The following GABRB1 variants were observed in gnomAD, a reference collection of about 807,000 sequenced individuals.
The protein encoded by GABRB1 is gamma-aminobutyric acid type A receptor subunit beta1, also known as gamma-aminobutyric acid receptor subunit beta-1.
GABRB1 carries 17 observed loss-of-function variants against 51.6 expected under a neutral mutation model. The observed-to-expected ratio is 0.33, with a 90% CI of 0.23 to 0.49. The LOEUF (loss-of-function observed/expected upper bound fraction) is 0.49. Among genes scored for constraint, GABRB1 ranks in the 20% least tolerant of loss-of-function variants. GABRB1 has a pLI of 0.99. For synonymous variants in GABRB1, 247 were observed against 218.9 expected (o/e 1.13, Z -1.14); for missense variants, 410 against 600.6 (o/e 0.68, Z 3.32).
intron 5 of GABRB1, among the ~76,000 whole-genome samples, chr4:47,374,128 T>G (rs1317892555): frequency 6.6e-6 from 1 of 152,222 alleles, no homozygotes; most frequent in Non-Finnish European, 1.5e-5. Context: ...ATCAAGAGGA[T>G]GTAAGACTCT....
At chr4:47,363,462 C>T (rs1053689942) in intron 5 of GABRB1, among the ~76,000 whole-genome samples, 1 of 151,998 alleles carries the variant, frequency 6.6e-6, no homozygotes, top group East Asian at 1.9e-4. Flanking sequence ...GTTTTCTCAT[C>T]CCACTCTGAT....
intron 3 of GABRB1, among the ~76,000 whole-genome samples, chr4:47,037,123 TGGCAATGAAA>T (rs1725611863): frequency 1.3e-5 from 2 of 152,184 alleles, no homozygotes; most frequent in African/African-American, 4.8e-5. Context: ...TCTCAAATGA[TGGCAATGAAA>T]ACATTTCCAA....
chr4:47,203,932 C>T (rs1264695095), intron 4 of GABRB1, among the ~76,000 whole-genome samples: 1 of 152,084 alleles, frequency 6.6e-6, no homozygotes, highest in African/African-American at 2.4e-5. Flanking sequence ...CCTCAGAGGA[C>T]CTTAGATAGG....
intron 4 of GABRB1, among the ~76,000 whole-genome samples, chr4:47,281,386 CAAAT>C (rs1723289042): frequency 6.6e-6 from 1 of 152,102 alleles, no homozygotes; most frequent in African/African-American, 2.4e-5. Flanking sequence ...ATAAAAAAGA[CAAAT>C]GATAATATGT....
chr4:47,244,504 A>T (rs1257497645), intron 4 of GABRB1, among the ~76,000 whole-genome samples: 1 of 152,152 alleles, frequency 6.6e-6, no homozygotes, highest in Non-Finnish European at 1.5e-5. Context: ...CTGTGAATCC[A>T]TCTGGTCCTG....
chr4:47,260,716 C>A (rs753040895), intron 4 of GABRB1, among the ~76,000 whole-genome samples: 1 of 151,862 alleles, frequency 6.6e-6, no homozygotes, highest in Non-Finnish European at 1.5e-5. Context: ...TGATGGGCTT[C>A]GATACCAAAG....
intron 1 of GABRB1, among the ~76,000 whole-genome samples, chr4:46,998,657 C>T (rs1324468687): frequency 6.7e-6 from 1 of 149,232 alleles, no homozygotes; most frequent in Non-Finnish European, 1.5e-5. Context: ...TGGAGTGAAC[C>T]CGGGAGGCGG....
At chr4:47,222,709 G>A (rs558517061) in intron 4 of GABRB1, among the ~76,000 whole-genome samples, 1 of 152,224 alleles carries the variant, frequency 6.6e-6, no homozygotes, top group South Asian at 2.1e-4. Flanking sequence ...CCAAATTGCT[G>A]AGCCACAGAT....
chr4:47,403,225 C>G, intron 5 of GABRB1, 93 bp from the exon 6 acceptor site: 1 of 1,434,818 alleles, frequency 7.0e-7, no homozygotes, highest in Non-Finnish European at 9.6e-7. Context: ...CACCTTACCA[C>G]TTTTGTGCTG....
At chr4:47,200,448 A>C (rs1342303391) in intron 4 of GABRB1, among the ~76,000 whole-genome samples, 1 of 152,174 alleles carries the variant, frequency 6.6e-6, no homozygotes, top group Non-Finnish European at 1.5e-5. Flanking sequence ...GGAAGGGTTT[A>C]TCAATAAATA....
chr4:47,203,119 T>C (rs1719954940), intron 4 of GABRB1, among the ~76,000 whole-genome samples: 3 of 152,204 alleles, frequency 2.0e-5, no homozygotes, highest in Admixed American at 6.5e-5. Context: ...GTCACTCCTC[T>C]GTGGTTGATG....
intron 5 of GABRB1, among the ~76,000 whole-genome samples, chr4:47,370,962 T>C (rs995507985): frequency 1.3e-5 from 2 of 152,072 alleles, no homozygotes; most frequent in Non-Finnish European, 2.9e-5. Flanking sequence ...CTGGGGTACA[T>C]GTTCAGGATG....
intron 4 of GABRB1, among the ~76,000 whole-genome samples, chr4:47,188,806 G>A (rs1719302666): frequency 6.6e-6 from 1 of 151,940 alleles, no homozygotes; most frequent in South Asian, 2.1e-4. Flanking sequence ...GCTGAAGTCA[G>A]TATGTGACTT....
At chr4:47,379,071 A>G (rs1727500141) in intron 5 of GABRB1, among the ~76,000 whole-genome samples, 1 of 152,212 alleles carries the variant, frequency 6.6e-6, no homozygotes. Context: ...GGATAGGTCA[A>G]TAGATCAAAA....
At chr4:47,142,153 A>G (rs1320881898) in intron 3 of GABRB1, among the ~76,000 whole-genome samples, 1 of 151,898 alleles carries the variant, frequency 6.6e-6, no homozygotes, top group African/African-American at 2.4e-5. Context: ...TGTCTCTTGC[A>G]TTGTGGGATG....
chr4:47,213,846 T>G (rs1720456812), intron 4 of GABRB1, among the ~76,000 whole-genome samples: 1 of 152,062 alleles, frequency 6.6e-6, no homozygotes, highest in Non-Finnish European at 1.5e-5. Flanking sequence ...TTTTTTTTTT[T>G]TCTGTTCAGG....
chr4:47,098,616 C>T (rs1714573008), intron 3 of GABRB1, among the ~76,000 whole-genome samples: 1 of 151,900 alleles, frequency 6.6e-6, no homozygotes, highest in African/African-American at 2.4e-5. Flanking sequence ...AATTAATATC[C>T]ATTATCTCAT....
intron 4 of GABRB1, among the ~76,000 whole-genome samples, chr4:47,192,710 CT>C (rs1719489538): frequency 6.6e-6 from 1 of 152,076 alleles, no homozygotes; most frequent in African/African-American, 2.4e-5. Context: ...AATCCATTTA[CT>C]TTATTGTAAA....
intron 1 of GABRB1, among the ~76,000 whole-genome samples, chr4:47,009,585 A>G (rs2109438657): frequency 6.6e-6 from 1 of 152,364 alleles, no homozygotes; most frequent in East Asian, 1.9e-4. Flanking sequence ...GTTTATGACC[A>G]TTGACAAGAG....
Sources: gnomAD v4.1 joint callset for allele counts (sites outside exome capture counted in the v4.1 genomes callset) on GRCh38, gnomAD v4.1.1 for gene constraint, MANE v1.5 for transcripts, NCBI Gene and HGNC (gene_info 2026-07-23, HGNC 2026-07-21) for gene names.